Variants in HOATZ observed in about 807,000 individuals in gnomAD.
HOATZ encodes the protein cilia- and flagella-associated protein HOATZ.
HOATZ carries 26 observed loss-of-function variants against 24.9 expected under a neutral mutation model. The ratio of observed to expected loss-of-function variants is 1.04; its 90% CI spans 0.76 to 1.45. The LOEUF is 1.45. Ranked by LOEUF, HOATZ falls within the 40% of genes most tolerant of loss-of-function variation. The pLI, the probability that HOATZ is intolerant of heterozygous loss-of-function variation, is 0.00. For missense variants in HOATZ, 226 were observed against 201.5 expected (o/e 1.12, Z -0.74); for synonymous variants, 83 against 76.6 (o/e 1.08, Z -0.43).
At chr11:111,524,716 T>C (rs1251857202) in intron 3 of HOATZ, among the ~76,000 whole-genome samples, 1 of 152,180 alleles carries the variant, frequency 6.6e-6, no homozygotes, top group Non-Finnish European at 1.5e-5. Context: ...ACCATCAATA[T>C]AGGAGACAAA....
At chr11:111,532,165 AC>A (rs1447155888) in intron 3 of HOATZ, among the ~76,000 whole-genome samples, 1 of 151,964 alleles carries the variant, frequency 6.6e-6, no homozygotes, top group Admixed American at 6.6e-5. Flanking sequence ...CCCTATATTA[AC>A]CCCACATAGC....
intron 5 of HOATZ, chr11:111,536,076 T>C (rs1237391022): frequency 6.6e-6 from 1 of 152,270 alleles, no homozygotes; most frequent in East Asian, 1.9e-4. Context: ...TTTTTTGTAT[T>C]GTCTGTAACT....
chr11:111,531,797 C>A (rs992102321), intron 3 of HOATZ, among the ~76,000 whole-genome samples: 10 of 152,152 alleles, frequency 6.6e-5, no homozygotes, highest in Admixed American at 2.6e-4. Flanking sequence ...AGCCAAGGCA[C>A]CCAGTTCACC....
rs772928273 is a variant in HOATZ at position 111,534,515 on chromosome 11, A to G, written c.452+51A>G. On this transcript the variant is annotated intron_variant, in intron 5 of 5. Transcript: ENST00000375618. ...TCTCTCACCTTTCAACTTACTGTGT[A>G]GGGAAGCATTTCTTTTTTCTTACTT... is the stretch of plus-strand genomic sequence containing the variant. 5.9e-6 allele frequency: 8 copies of G among 1,364,250 alleles called. No individual in the cohort carries two copies. The African/African-American group carries it at 1.0e-4, about 17-fold the overall frequency. The allele number at this position is 1,364,250 out of a possible 1,614,324, so 84.5% of individuals were successfully genotyped here.
At chr11:111,531,336 T>G (rs1489694942) in intron 3 of HOATZ, among the ~76,000 whole-genome samples, 1 of 152,118 alleles carries the variant, frequency 6.6e-6, no homozygotes. Flanking sequence ...ATCCATTGAG[T>G]ATCACATACA....
Position 111,516,024 on chromosome 11 carries a change from AC to A in HOATZ, c.269-15del, listed in dbSNP as rs1565484562. 6.7e-7 allele frequency: 1 copy of A among 1,492,134 alleles called. No individual in the cohort carries two copies. Among genetic ancestry groups the A allele is most frequent in the Non-Finnish European group, 9.2e-7 (1 of 1,089,914 alleles). 92.4% of individuals were successfully genotyped at this position (1,492,134 alleles called of 1,614,324 possible). On this transcript the variant is annotated splice_polypyrimidine_tract_variant and intron_variant, in intron 2 of 5. Coordinates refer to ENST00000375618, the MANE Select transcript of HOATZ (RefSeq NM_001100388.2). ...ATAAAATTATTTCAGATTGAATTTG[AC>A]TTTATTCCCTCTAGAAAATAGAGAC...
intron 3 of HOATZ, among the ~76,000 whole-genome samples, chr11:111,517,809 T>C (rs1867222648): frequency 6.6e-6 from 1 of 152,212 alleles, no homozygotes; most frequent in African/African-American, 2.4e-5. Context: ...ACAAAGAATA[T>C]GCAAAGCAAT....
chr11:111,526,812 C>T (rs1329287575), intron 3 of HOATZ: 1 of 152,146 alleles, frequency 6.6e-6, no homozygotes, highest in Non-Finnish European at 1.5e-5. Flanking sequence ...ATGGGCAGAA[C>T]AGGAAAGACA....
At chr11:111,517,319 C>T (rs547404813) in intron 3 of HOATZ, among the ~76,000 whole-genome samples, 5 of 152,148 alleles carry the variant, frequency 3.3e-5, no homozygotes, top group East Asian at 1.9e-4. Context: ...TCAGTGCTTT[C>T]GGAATTTAAT....
At chr11:111,518,872 G>T (rs1867236452) in intron 3 of HOATZ, 1 of 278,108 alleles carries the variant, frequency 3.6e-6, no homozygotes, top group Non-Finnish European at 7.5e-6. Context: ...CTTCTCAGGG[G>T]TTACCCAGAG....
intron 3 of HOATZ, among the ~76,000 whole-genome samples, chr11:111,529,623 A>C (rs1867374617): frequency 6.6e-6 from 1 of 151,934 alleles, no homozygotes; most frequent in Non-Finnish European, 1.5e-5. Flanking sequence ...CAGCCTCCCA[A>C]ATGCTGAGAT....
At chr11:111,531,498 C>T (rs941430285) in intron 3 of HOATZ, among the ~76,000 whole-genome samples, 1 of 152,174 alleles carries the variant, frequency 6.6e-6, no homozygotes, top group Non-Finnish European at 1.5e-5. Context: ...GCAATTAATA[C>T]TGATTGAATA....
At position 111,521,004 on chromosome 11, in the gene HOATZ, G is replaced by A. The variant is rs554163757; in HGVS notation, c.339+4894G>A. Among the ~76,000 whole-genome samples the A allele has an allele frequency of 6.6e-5, 10 of 152,208 alleles. No homozygotes were observed. In the East Asian group the frequency reaches 9.6e-4, roughly 15 times the overall value. On this transcript the variant is annotated intron_variant, in intron 3 of 5. Coordinates refer to ENST00000375618, the MANE Select transcript of HOATZ (RefSeq NM_001100388.2). ...GTATATCTAGGATTCGGTAGCATCC[G>A]CAGTTGCAGGCAACCATTGAGGGTC...
At chr11:111,520,966 A>G (rs1180274046) in intron 3 of HOATZ, among the ~76,000 whole-genome samples, 2 of 152,228 alleles carry the variant, frequency 1.3e-5, no homozygotes, top group Admixed American at 1.3e-4. Context: ...TAGTATATAT[A>G]AGGGAAAACA....
At chr11:111,515,064 T>G in intron 1 of HOATZ, 54 bp downstream of exon 1, 1 of 1,312,442 alleles carries the variant, frequency 7.6e-7, no homozygotes. Flanking sequence ...GTAACTGGCC[T>G]GCAGGTACCA....
Position 111,536,887 on chromosome 11 carries a change from T to C in HOATZ, c.*60T>C, listed in dbSNP as rs1378623246. 14 of 1,313,500 alleles carry C rather than the reference T, an allele frequency of 1.1e-5. No homozygotes were observed. The highest frequency in any genetic ancestry group is 5.9e-5 in the South Asian group (5 of 84,546). The allele number at this position is 1,313,500 out of a possible 1,614,324, so 81.4% of individuals were successfully genotyped here. ...TACCTTCACTTTGGAAACAACCTTC[T>C]CTTAGATCAGGATCATTGAGATCAC... On this transcript the variant is annotated 3_prime_UTR_variant, in exon 6 of 6. Transcript: ENST00000375618.
At chr11:111,519,469 A>G (rs1326320871) in intron 3 of HOATZ, among the ~76,000 whole-genome samples, 3 of 152,180 alleles carry the variant, frequency 2.0e-5, no homozygotes, top group Non-Finnish European at 2.9e-5. Context: ...ATCTGTTAGC[A>G]CATCACCTCT....
chr11:111,521,073 G>A (rs543035071), intron 3 of HOATZ, among the ~76,000 whole-genome samples: 3 of 152,192 alleles, frequency 2.0e-5, no homozygotes, highest in Admixed American at 2.0e-4. Context: ...TGAAATTCAT[G>A]CTGCAGCCAT....
chr11:111,515,927 T>C (rs1020856209), intron 2 of HOATZ, 113 bp from the exon 3 acceptor site: 2 of 680,334 alleles, frequency 2.9e-6, no homozygotes, highest in Non-Finnish European at 4.9e-6. Context: ...TGTATTTTTG[T>C]TTACCTTCCT....
Sources: allele counts gnomAD v4.1 joint callset (sites outside exome capture counted in the v4.1 genomes callset), GRCh38; gene constraint gnomAD v4.1.1; transcripts MANE v1.5; gene names NCBI Gene and HGNC (gene_info 2026-07-23, HGNC 2026-07-21).